The following STIM2 variants were observed in gnomAD, a reference collection of about 807,000 sequenced individuals.
STIM2 encodes stromal interaction molecule 2.
STIM2 carries 31 observed loss-of-function variants against 85.8 expected under a neutral mutation model. The observed-to-expected ratio is 0.36, with a 90% CI of 0.27 to 0.49. STIM2 has a LOEUF of 0.49. Among genes scored for constraint, STIM2 ranks in the 20% least tolerant of loss-of-function variants. The pLI is 0.98. For missense variants in STIM2, 841 were observed against 927.6 expected (o/e 0.91, Z 1.21); for synonymous variants, 356 against 331.1 (o/e 1.08, Z -0.82).
chr4:26,861,123 C>T lies in STIM2; in HGVS notation c.-96C>T. 1 of 1,227,614 alleles carries T rather than the reference C, an allele frequency of 8.1e-7. No homozygotes were observed. The highest frequency in any genetic ancestry group is 1.0e-6 in the Non-Finnish European group (1 of 984,896). The allele number at this position is 1,227,614 out of a possible 1,614,324, so 76.0% of individuals were successfully genotyped here. On this transcript the variant is annotated 5_prime_UTR_variant, in exon 1 of 12. Transcript: ENST00000467087. ...CGAGCTGCAGGCGGCCGGGGCGCCG[C>T]TGCGCTTTCACCCGGCTTCTCCTCG... is the stretch of plus-strand genomic sequence containing the variant.
chr4:26,901,347 A>G (rs190223433), intron 1 of STIM2, among the ~76,000 whole-genome samples: 72 of 152,256 alleles, frequency 4.7e-4, no homozygotes, highest in Admixed American at 1.4e-3. Context: ...CTGTTTAAAT[A>G]CTAATTTCTA....
intron 2 of STIM2, among the ~76,000 whole-genome samples, chr4:26,948,556 G>C (rs1725930631): frequency 6.6e-6 from 1 of 152,172 alleles, no homozygotes; most frequent in South Asian, 2.1e-4. Flanking sequence ...GAGCCCAGGA[G>C]TTCGAGACCA....
At position 26,865,139 on chromosome 4, in the gene STIM2, C is replaced by G. The variant is rs575957319; in HGVS notation, c.151+3770C>G. 1.4e-4 allele frequency among the ~76,000 whole-genome samples: 22 copies of G among 152,254 alleles called. 1 individual carries two copies. In the East Asian group the frequency reaches 3.3e-3, roughly 23 times the overall value. Reference sequence around the variant, plus strand: ...CATTTACTGTATTCTCTTTCTCTTTCCCCTTTAGTATCATTACCAGTGCTT... The same window carrying G: ...CATTTACTGTATTCTCTTTCTCTTTGCCCTTTAGTATCATTACCAGTGCTT... On this transcript the variant is annotated intron_variant, in intron 1 of 11. Coordinates refer to ENST00000467087, the MANE Select transcript of STIM2 (RefSeq NM_020860.4).
intron 5 of STIM2, among the ~76,000 whole-genome samples, chr4:27,001,379 C>T (rs1173556410): frequency 2.6e-5 from 4 of 152,286 alleles, no homozygotes; most frequent in Admixed American, 2.6e-4. Context: ...TGGCTCCTCA[C>T]TCTTTGTTTT....
intron 1 of STIM2, among the ~76,000 whole-genome samples, chr4:26,883,435 A>G (rs750874253): frequency 6.6e-6 from 1 of 152,102 alleles, no homozygotes; most frequent in Non-Finnish European, 1.5e-5. Flanking sequence ...TATTGTATAT[A>G]ATTTGGTGTT....
chr4:27,021,342 G>T (rs1021424682), intron 11 of STIM2: 21 of 400,038 alleles, frequency 5.2e-5, no homozygotes, highest in Non-Finnish European at 8.2e-5. Flanking sequence ...AAAGGAAAGA[G>T]AATGCTGTTT....
rs114351243 is a variant in STIM2, at chr4:26,967,249, T to C, written c.397+9523T>C. ...TTATAGTTGCATAAGGGCAATGTTC[T>C]AAAAGCAAACAAAGAGATTTGTGAT... On this transcript the variant is annotated intron_variant, in intron 3 of 11. Coordinates refer to ENST00000467087, the MANE Select transcript of STIM2 (RefSeq NM_020860.4). 3.5e-3 allele frequency among the ~76,000 whole-genome samples: 540 copies of C among 152,310 alleles called. 3 individuals are homozygous for C. The highest frequency in any genetic ancestry group is 0.013 in the African/African-American group (521 of 41,566).
intron 3 of STIM2, among the ~76,000 whole-genome samples, chr4:26,958,180 T>C (rs1164271920): frequency 1.3e-5 from 2 of 152,150 alleles, no homozygotes; most frequent in Non-Finnish European, 2.9e-5. Context: ...ATTGGATAAT[T>C]GGTATTTTAT....
chr4:27,006,362 T>A (rs1298732862), intron 7 of STIM2, among the ~76,000 whole-genome samples: 1 of 152,206 alleles, frequency 6.6e-6, no homozygotes, highest in Non-Finnish European at 1.5e-5. Flanking sequence ...ACTATAAAGT[T>A]TATTCAAATA....
In STIM2 at chr4:27,024,821, A is replaced by G. The variant is rs1408857815; in HGVS notation, c.*1825A>G. On this transcript the variant is annotated 3_prime_UTR_variant, in exon 12 of 12. Coordinates refer to ENST00000467087, the MANE Select transcript of STIM2 (RefSeq NM_020860.4). ...GAGTGTTCATTCAGAGTGAAGGGAA[A>G]ACTTTATCCTTCTATTTCTTATAAC... is the stretch of plus-strand genomic sequence containing the variant. 2 of 152,212 alleles carry G rather than the reference A, an allele frequency of 1.3e-5. No individual in the cohort carries two copies. The highest frequency in any genetic ancestry group is 2.4e-5 in the African/African-American group (1 of 41,456). 9.4% of individuals were successfully genotyped at this position (152,212 alleles called of 1,614,324 possible). A position where few individuals can be genotyped will look rare whatever the true frequency, so the allele number is the denominator to read the frequency against.
chr4:27,017,725 C>T lies in STIM2; in HGVS notation c.1504C>T (p.Pro502Ser), dbSNP rs1293024276. ...GTGTTTTTCAGGGACCATGGCTAAACCTCCTGGATCATTAGCCAGAAGCAG... is the reference window on the plus strand; with the variant it reads ...GTGTTTTTCAGGGACCATGGCTAAATCTCCTGGATCATTAGCCAGAAGCAG... Residue 502 changes from proline (P) to serine (S), a missense_variant, in exon 11 of 12, where the codon CCT (proline) becomes TCT (serine). By Grantham distance (74) the Pro-to-Ser change is moderately conservative. Transcript: ENST00000467087. 3 of 1,613,930 alleles carry T rather than the reference C, an allele frequency of 1.9e-6. No individual in the cohort carries two copies. Among genetic ancestry groups the T allele is most frequent in the African/African-American group, 2.7e-5 (2 of 74,890 alleles).
chr4:26,922,422 A>T (rs924893695), intron 2 of STIM2, among the ~76,000 whole-genome samples: 3 of 152,140 alleles, frequency 2.0e-5, no homozygotes, highest in African/African-American at 7.2e-5. Context: ...GCAGTTTTAG[A>T]TTTTAACCCA....
At chr4:26,971,914 C>A (rs1042977601) in intron 3 of STIM2, among the ~76,000 whole-genome samples, 2 of 152,038 alleles carry the variant, frequency 1.3e-5, no homozygotes, top group South Asian at 4.1e-4. Flanking sequence ...CTTTTATTTC[C>A]TTGAGCAGTG....
intron 1 of STIM2, chr4:26,873,940 C>T: frequency 1.5e-6 from 2 of 1,346,136 alleles, no homozygotes; most frequent in East Asian, 2.4e-5. Context: ...GCTGGGTGCT[C>T]TTCTGGCTCA....
chr4:26,983,014 G>A (rs1727456690), intron 3 of STIM2, among the ~76,000 whole-genome samples: 1 of 152,206 alleles, frequency 6.6e-6, no homozygotes, highest in East Asian at 1.9e-4. Context: ...TGTGGGCCTC[G>A]GCCTTCACAA....
chr4:26,937,618 A>C (rs1048239493), intron 2 of STIM2, among the ~76,000 whole-genome samples: 1 of 152,196 alleles, frequency 6.6e-6, no homozygotes, highest in African/African-American at 2.4e-5. Context: ...TAGGATGGCC[A>C]TATAATTTAT....
intron 3 of STIM2, among the ~76,000 whole-genome samples, chr4:26,959,838 A>G (rs1726384102): frequency 6.6e-6 from 1 of 152,046 alleles, no homozygotes; most frequent in African/African-American, 2.4e-5. Context: ...CAGTTCAAAC[A>G]GTTGGCCTAA....
chr4:27,022,967 A>G lies in STIM2; in HGVS notation c.2212A>G (p.Lys738Glu), dbSNP rs1405347502. The change falls in exon 12 of 12, where the codon AAA becomes GAA. Residue 738 changes from lysine (K) to glutamate (E), a missense_variant. Lys to Glu is a moderately conservative substitution (Grantham distance 56). Coordinates refer to ENST00000467087, the MANE Select transcript of STIM2 (RefSeq NM_020860.4). The stretch of plus-strand genomic sequence containing the variant: ...GAAAAGCAAAAAGCCATCAAAAATC[A>G]AAAGCCTTTTTAAGAAGAAATCTAA... The G allele has an allele frequency of 3.1e-6, 5 of 1,613,238 alleles. No homozygotes were observed. The highest frequency in any genetic ancestry group is 1.1e-5 in the South Asian group (1 of 91,078).
chr4:26,908,815 C>G (rs73116660), intron 1 of STIM2, among the ~76,000 whole-genome samples: 4,409 of 152,260 alleles, frequency 0.029, 136 homozygotes, highest in African/African-American at 0.08. Context: ...ACAGTAAATG[C>G]TCTATTTCCA....
Sources: allele counts gnomAD v4.1 joint callset (sites outside exome capture counted in the v4.1 genomes callset), GRCh38; gene constraint gnomAD v4.1.1; transcripts MANE v1.5; gene names NCBI Gene and HGNC (gene_info 2026-07-23, HGNC 2026-07-21).